MARCHF5: variants seen among roughly 807,000 people sequenced by gnomAD.
The protein encoded by MARCHF5 is membrane associated ring-CH-type finger 5, also known as E3 ubiquitin-protein ligase MARCHF5.
In MARCHF5, 5 loss-of-function variants were observed where a neutral mutation model predicts 36.5. That is an observed-to-expected ratio of 0.14 (90% CI 0.07 to 0.29). The LOEUF is 0.29. MARCHF5 is among the 10% of genes least tolerant of loss of function. The pLI is 1.00. For synonymous variants in MARCHF5, 103 were observed against 109.9 expected (o/e 0.94, Z 0.39); for missense variants, 179 against 336.3 (o/e 0.53, Z 3.66).
intron 2 of MARCHF5, among the ~76,000 whole-genome samples, chr10:92,314,502 C>T (rs1395317255): frequency 6.6e-6 from 1 of 151,948 alleles, no homozygotes; most frequent in African/African-American, 2.4e-5. Flanking sequence ...ATTAGCCAGG[C>T]GTGGTGGCAG....
chr10:92,348,892 G>A (rs982293286), intron 3 of MARCHF5, among the ~76,000 whole-genome samples: 1 of 152,152 alleles, frequency 6.6e-6, no homozygotes, highest in Non-Finnish European at 1.5e-5. Context: ...AAAGAGAAAT[G>A]AGCTTTCAGG....
intron 3 of MARCHF5, 119 bp downstream of exon 3, chr10:92,340,922 T>C: frequency 2.2e-6 from 2 of 913,266 alleles, no homozygotes; most frequent in Non-Finnish European, 3.1e-6. Context: ...ATGTTCTTTC[T>C]AAATGTTATT....
chr10:92,307,085 C>T (rs1230549749), intron 1 of MARCHF5, among the ~76,000 whole-genome samples: 1 of 152,010 alleles, frequency 6.6e-6, no homozygotes, highest in Non-Finnish European at 1.5e-5. Flanking sequence ...GACACTGAGG[C>T]AGGAGGATCA....
At chr10:92,325,915 G>T (rs562149060) in intron 2 of MARCHF5, among the ~76,000 whole-genome samples, 1 of 152,330 alleles carries the variant, frequency 6.6e-6, no homozygotes, top group African/African-American at 2.4e-5. Context: ...CTGATCTCCA[G>T]TGATCCGCCT....
At chr10:92,332,417 G>A (rs1337559344) in intron 2 of MARCHF5, among the ~76,000 whole-genome samples, 2 of 151,910 alleles carry the variant, frequency 1.3e-5, no homozygotes. Flanking sequence ...ACTTTTCTGG[G>A]GCTCTTGGAC....
intron 2 of MARCHF5, among the ~76,000 whole-genome samples, chr10:92,313,984 C>T (rs1221654587): frequency 6.6e-6 from 1 of 151,944 alleles, no homozygotes; most frequent in Non-Finnish European, 1.5e-5. Context: ...CTTGTGGTTA[C>T]GAGGTCAGGA....
Position 92,332,346 on chromosome 10 carries a change from A to G in MARCHF5, c.239-8327A>G, listed in dbSNP as rs573074682. Among the ~76,000 whole-genome samples, 48 of 152,226 alleles carry G rather than the reference A, an allele frequency of 3.2e-4. 1 individual carries two copies. In the South Asian group the frequency reaches 9.9e-3, roughly 32 times the overall value. ...TTGCAGGATGTTTGTTCTTACATAA[A>G]GATGGTGAAATCTCAAACTACCAGC... On this transcript the variant is annotated intron_variant, in intron 2 of 5. Transcript: ENST00000358935.
intron 1 of MARCHF5, among the ~76,000 whole-genome samples, chr10:92,298,968 T>G (rs901482263): frequency 6.6e-6 from 1 of 151,966 alleles, no homozygotes; most frequent in African/African-American, 2.4e-5. Flanking sequence ...CATGCCCAGC[T>G]AATTTTTTTT....
At chr10:92,293,098 T>C (rs867965205) in intron 1 of MARCHF5, among the ~76,000 whole-genome samples, 3 of 152,248 alleles carry the variant, frequency 2.0e-5, no homozygotes, top group Middle Eastern at 3.4e-3. Context: ...TGACTTTTTT[T>C]CTTCTTTTTT....
intron 1 of MARCHF5, among the ~76,000 whole-genome samples, chr10:92,301,762 A>G (rs1213582195): frequency 1.3e-5 from 2 of 152,170 alleles, no homozygotes; most frequent in Non-Finnish European, 1.5e-5. Context: ...TAGATTACAT[A>G]TAATACCTAA....
intron 1 of MARCHF5, among the ~76,000 whole-genome samples, chr10:92,299,251 C>T (rs1341688706): frequency 6.6e-6 from 1 of 152,106 alleles, no homozygotes; most frequent in Non-Finnish European, 1.5e-5. Context: ...CTAGAATTAG[C>T]GAAGGCACAA....
In MARCHF5 at chr10:92,291,466, G is replaced by A; in HGVS notation, c.-29G>A. On this transcript the variant is annotated 5_prime_UTR_variant, in exon 1 of 6. Transcript: ENST00000358935. ...CCTGGCCTTGAGCGGGTCCACTGGG[G>A]AAGGCCGTGTGCGCCGGCTCCGCGG... 6.5e-7 allele frequency: 1 copy of A among 1,536,590 alleles called. No homozygotes were observed. Among genetic ancestry groups the A allele is most frequent in the South Asian group, 1.2e-5 (1 of 83,766 alleles).
rs766808563 is a variant in MARCHF5, at chr10:92,317,572, TC to T, written c.238+6236del. On this transcript the variant is annotated intron_variant, in intron 2 of 5. Coordinates refer to ENST00000358935, the MANE Select transcript of MARCHF5 (RefSeq NM_017824.5). ...AGTATGTAGAATACAATTTTTGTTT[TC>T]TGTCTTGGAACACAATCAGCAACAA... Among the ~76,000 whole-genome samples the T allele has an allele frequency of 1.6e-3, 241 of 152,338 alleles. 1 individual carries two copies. The highest frequency in any genetic ancestry group is 2.4e-3 in the Non-Finnish European group (161 of 68,040).
chr10:92,292,595 A>G (rs1842894704), intron 1 of MARCHF5, among the ~76,000 whole-genome samples: 1 of 152,172 alleles, frequency 6.6e-6, no homozygotes, highest in African/African-American at 2.4e-5. Context: ...AGAGTGACAG[A>G]CATTTTTTTG....
chr10:92,350,481 G>C (rs1316773430), intron 5 of MARCHF5, among the ~76,000 whole-genome samples: 1 of 152,230 alleles, frequency 6.6e-6, no homozygotes. Context: ...TTAGGCAAAA[G>C]AGATAGTGAG....
chr10:92,299,620 T>C (rs1842989360), intron 1 of MARCHF5, among the ~76,000 whole-genome samples: 2 of 152,164 alleles, frequency 1.3e-5, no homozygotes, highest in South Asian at 4.1e-4. Context: ...GTGTATCACA[T>C]TGTACTGTAA....
intron 2 of MARCHF5, among the ~76,000 whole-genome samples, chr10:92,321,921 C>G (rs780170760): frequency 3.3e-5 from 5 of 151,912 alleles, no homozygotes; most frequent in Non-Finnish European, 7.4e-5. Context: ...TTTGAATCTT[C>G]TCTTTTTTTC....
At chr10:92,326,373 A>T (rs1349223794) in intron 2 of MARCHF5, among the ~76,000 whole-genome samples, 1 of 152,176 alleles carries the variant, frequency 6.6e-6, no homozygotes, top group Non-Finnish European at 1.5e-5. Context: ...AAGTAGACTC[A>T]GCAAATTTAT....
chr10:92,340,814 T>C lies in MARCHF5; in HGVS notation c.369+11T>C. On this transcript the variant is annotated intron_variant, in intron 3 of 5. Coordinates refer to ENST00000358935, the MANE Select transcript of MARCHF5 (RefSeq NM_017824.5). ...GTGACAGTGATGCAGGTTCACTATT[T>C]TACCTATATAGTGATATTACTTGGT... 6.2e-7 allele frequency: 1 copy of C among 1,601,964 alleles called. No individual in the cohort carries two copies. Among genetic ancestry groups the C allele is most frequent in the Non-Finnish European group, 8.5e-7 (1 of 1,174,980 alleles).
Sources: gnomAD v4.1 joint callset for allele counts (sites outside exome capture counted in the v4.1 genomes callset) on GRCh38, gnomAD v4.1.1 for gene constraint, MANE v1.5 for transcripts, NCBI Gene and HGNC (gene_info 2026-07-23, HGNC 2026-07-21) for gene names.